The following OAS2 variants were observed in gnomAD, a reference collection of about 807,000 sequenced individuals.
OAS2 encodes 2'-5'-oligoadenylate synthase 2.
Under a neutral mutation model 71.3 loss-of-function variants are expected in OAS2, and 67 were observed. The ratio of observed to expected loss-of-function variants is 0.94; its 90% CI spans 0.77 to 1.15. The LOEUF is 1.15. Ranked by LOEUF, OAS2 falls within the 50% of genes most tolerant of loss-of-function variation. The probability of loss-of-function intolerance (pLI) is 0.00; values close to 1 mark genes in which losing one functional copy is unlikely to be tolerated. For missense variants in OAS2, 789 were observed against 822.5 expected, an observed-to-expected ratio of 0.96 and a Z score of 0.50; for synonymous variants, 327 against 321.8, an observed-to-expected ratio of 1.02 and a Z score of -0.17.
chr12:113,003,130 T>C (rs1593204946), intron 6 of OAS2, 28 bp downstream of exon 6: 2 of 1,611,370 alleles, frequency 1.2e-6, no homozygotes, highest in Non-Finnish European at 8.5e-7. Flanking sequence ...TCATGTCTTG[T>C]TGGAATGATG....
chr12:113,001,479 TATATACAC>T (rs1468321926), intron 5 of OAS2, among the ~76,000 whole-genome samples: 35 of 148,022 alleles, frequency 2.4e-4, no homozygotes, highest in Non-Finnish European at 4.9e-4. Context: ...TATATACACA[TATATACAC>T]ATATATATAC....
At chr12:112,987,468 G>A (rs546997674) in intron 2 of OAS2, 160 bp downstream of exon 2, 2 of 1,447,316 alleles carry the variant, frequency 1.4e-6, no homozygotes, top group South Asian at 1.5e-5. Context: ...CCCTGGACTC[G>A]CTCTCTTCTC....
In OAS2 at chr12:112,978,823, G is replaced by A; in HGVS notation, c.177+38G>A. 3 of 1,574,720 alleles carry A rather than the reference G, an allele frequency of 1.9e-6. No homozygotes were observed. Among genetic ancestry groups the A allele is most frequent in the Non-Finnish European group, 2.6e-6 (3 of 1,158,196 alleles). On this transcript the variant is annotated intron_variant, in intron 1 of 9. Transcript: ENST00000392583. This position sits in a 1 kb window ranked among gnomAD's most constrained non-coding sequence, Gnocchi z 4.2. Reference sequence around the variant, plus strand: ...CTGAGGTTGGGTCTCTGGGAGGCAGGAGATTCCACGGCGGCAGCAAGGCCG... The same window carrying A: ...CTGAGGTTGGGTCTCTGGGAGGCAGAAGATTCCACGGCGGCAGCAAGGCCG...
intron 1 of OAS2, among the ~76,000 whole-genome samples, chr12:112,984,030 T>G (rs1254021118): frequency 6.6e-6 from 1 of 152,192 alleles, no homozygotes; most frequent in African/African-American, 2.4e-5. Flanking sequence ...AAATATTCAT[T>G]AGGTCCATTT....
At position 113,000,563 on chromosome 12, in the gene OAS2, GCA is replaced by G. The variant is rs764023429; in HGVS notation, c.1008+2159_1008+2160del. ...ATGCACACACATGTACTCACACCAT[GCA>G]CACACGCACACACGCACACACATAC... is the stretch of plus-strand genomic sequence containing the variant. On this transcript the variant is annotated intron_variant, in intron 5 of 9. Coordinates refer to ENST00000392583, the MANE Select transcript of OAS2 (RefSeq NM_002535.3). Among the ~76,000 whole-genome samples, 15 of 147,476 alleles carry G rather than the reference GCA, an allele frequency of 1.0e-4. No individual in the cohort carries two copies. The East Asian group carries it at 1.2e-3, about 12-fold the overall frequency.
chr12:113,004,988 G>A lies in OAS2; in HGVS notation c.1234G>A (p.Val412Ile), dbSNP rs1013818149. ...ALKTGSDADL[V>I]VFHNSLKSYT... Reference sequence around the variant, plus strand: ...GAAGACTGGCTCTGATGCCGATCTCGTCGTGTTCCATAACTCACTTAAAAG... The same window carrying A: ...GAAGACTGGCTCTGATGCCGATCTCATCGTGTTCCATAACTCACTTAAAAG... The change falls in exon 7 of 10, where the codon GTC becomes ATC. Residue 412 changes from valine to isoleucine, a missense_variant. Coordinates refer to ENST00000392583, the MANE Select transcript of OAS2 (RefSeq NM_002535.3). 1.9e-5 allele frequency: 31 copies of A among 1,614,020 alleles called. No individual in the cohort carries two copies. The highest frequency in any genetic ancestry group is 5.0e-5 in the Admixed American group (3 of 60,002).
In OAS2 at chr12:112,998,255, G is replaced by GGAAT. The variant is rs1480444722; in HGVS notation, c.864-10_864-7dup. The GGAAT allele has an allele frequency of 6.2e-7, 1 of 1,609,632 alleles. No homozygotes were observed. Among genetic ancestry groups the GGAAT allele is most frequent in the South Asian group, 1.1e-5 (1 of 90,330 alleles). ...CTCAACTGACTTTTTTTAATCTAAT[G>GGAAT]GAATACACAGGCCAGTAATCTTGGA... On this transcript the variant is annotated splice_polypyrimidine_tract_variant and intron_variant, in intron 4 of 9. Coordinates refer to ENST00000392583, the MANE Select transcript of OAS2 (RefSeq NM_002535.3).
intron 2 of OAS2, among the ~76,000 whole-genome samples, chr12:112,990,010 C>T (rs1328430570): frequency 6.6e-6 from 1 of 152,184 alleles, no homozygotes. Flanking sequence ...GGGGCAATGG[C>T]TTCCTAATTG....
intron 1 of OAS2, among the ~76,000 whole-genome samples, chr12:112,983,262 G>C (rs935121118): frequency 1.3e-5 from 2 of 151,940 alleles, no homozygotes; most frequent in Non-Finnish European, 2.9e-5. Context: ...TTTTGCTTTT[G>C]TTGCCCAAGC....
intron 1 of OAS2, among the ~76,000 whole-genome samples, chr12:112,984,747 A>C (rs2044116561): frequency 6.6e-6 from 1 of 151,886 alleles, no homozygotes; most frequent in East Asian, 1.9e-4. Flanking sequence ...TCTACCAGTG[A>C]GTTTTATACT....
At chr12:112,995,976 A>AT (rs1253725771) in intron 3 of OAS2, among the ~76,000 whole-genome samples, 1 of 151,610 alleles carries the variant, frequency 6.6e-6, no homozygotes, top group African/African-American at 2.4e-5. Context: ...TAATTTTTGT[A>AT]TTTTTTGTAG....
At chr12:113,001,407 T>TACACAC (rs2044286564) in intron 5 of OAS2, among the ~76,000 whole-genome samples, 1 of 149,580 alleles carries the variant, frequency 6.7e-6, no homozygotes, top group Admixed American at 6.7e-5. Flanking sequence ...TACACATATA[T>TACACAC]ACATATATAC....
At chr12:112,985,807 A>G (rs1241452230) in intron 1 of OAS2, among the ~76,000 whole-genome samples, 4 of 152,144 alleles carry the variant, frequency 2.6e-5, no homozygotes, top group African/African-American at 9.7e-5. Context: ...TGACTTTCAT[A>G]GGGAAAGACA....
chr12:112,990,165 G>A (rs1278984682), intron 2 of OAS2, among the ~76,000 whole-genome samples: 1 of 152,202 alleles, frequency 6.6e-6, no homozygotes, highest in East Asian at 1.9e-4. Flanking sequence ...AATATTTTAA[G>A]AGGTTTTTTC....
chr12:112,985,243 C>T (rs1194542651), intron 1 of OAS2, among the ~76,000 whole-genome samples: 3 of 152,148 alleles, frequency 2.0e-5, no homozygotes, highest in Non-Finnish European at 4.4e-5. Flanking sequence ...AATAGATTTT[C>T]TATGCCTTTG....
At chr12:113,008,393 G>A (rs1293745) in intron 9 of OAS2, among the ~76,000 whole-genome samples, 32,559 of 151,952 alleles carry the variant, frequency 0.21, 3,845 homozygotes, top group East Asian at 0.5. Context: ...ATAAAGGAGC[G>A]TTGAAAAAGA....
rs1593205681 is a variant in OAS2 at position 113,004,836 on chromosome 12, G to A, written c.1180-98G>A. The stretch of plus-strand genomic sequence containing the variant: ...GAACCCTAACGCAGAACTTGGCCTT[G>A]GAAACAGTGTCAGTTAGCCCAACTG... On this transcript the variant is annotated intron_variant, in intron 6 of 9. Coordinates refer to ENST00000392583, the MANE Select transcript of OAS2 (RefSeq NM_002535.3). The A allele has an allele frequency of 4.0e-6, 5 of 1,262,182 alleles. No individual in the cohort carries two copies. In the East Asian group the frequency reaches 1.2e-4, roughly 29 times the overall value. The allele number at this position is 1,262,182 out of a possible 1,614,324, so 78.2% of individuals were successfully genotyped here.
At chr12:112,997,807 C>A in intron 4 of OAS2, 52 bp downstream of exon 4, 1 of 1,348,820 alleles carries the variant, frequency 7.4e-7, no homozygotes, top group Non-Finnish European at 1.0e-6. Flanking sequence ...GCATGCCAGG[C>A]ATACCTCTTT....
At chr12:112,981,167 T>G (rs1012515876) in intron 1 of OAS2, among the ~76,000 whole-genome samples, 1 of 152,186 alleles carries the variant, frequency 6.6e-6, no homozygotes, top group African/African-American at 2.4e-5. Context: ...ATTCTACAGC[T>G]TGTCTTTTCA....
Sources: gnomAD v4.1 joint callset for allele counts (sites outside exome capture counted in the v4.1 genomes callset) on GRCh38, gnomAD v4.1.1 for gene constraint, Gnocchi (gnomAD v3.1) non-coding constraint, MANE v1.5 for transcripts, NCBI Gene and HGNC (gene_info 2026-07-23, HGNC 2026-07-21) for gene names.